STRN: variants seen among roughly 807,000 people sequenced by gnomAD.
STRN encodes striatin, also known as protein phosphatase 2 regulatory subunit B'''alpha.
A neutral mutation model predicts 96.3 loss-of-function variants in STRN; 53 were observed. The observed-to-expected ratio is 0.55, with a 90% CI of 0.44 to 0.69. The LOEUF is 0.69. Ranked by LOEUF, STRN falls within the 30% of genes least tolerant of loss-of-function variation. The pLI, the probability that STRN is intolerant of heterozygous loss-of-function variation, is 0.00. For synonymous variants in STRN, 428 were observed against 355.9 expected, an observed-to-expected ratio of 1.20 and a Z score of -2.28; for missense variants, 987 against 963.9, an observed-to-expected ratio of 1.02 and a Z score of -0.32.
intron 1 of STRN, among the ~76,000 whole-genome samples, chr2:36,940,392 G>A (rs965523469): frequency 6.6e-6 from 1 of 152,036 alleles, no homozygotes; most frequent in African/African-American, 2.4e-5. Flanking sequence ...ATCATCACAC[G>A]GAAAACTGCA....
intron 9 of STRN, among the ~76,000 whole-genome samples, chr2:36,882,456 C>T (rs750892666): frequency 1.1e-4 from 17 of 152,146 alleles, no homozygotes; most frequent in Non-Finnish European, 2.1e-4. Flanking sequence ...TCAATCATCA[C>T]GCACTACAGT....
Position 36,857,879 on chromosome 2 carries a change from A to C in STRN, c.1814T>G (p.Leu605Arg), listed in dbSNP as rs749180993. The C allele has an allele frequency of 1.2e-6, 2 of 1,614,002 alleles. No individual in the cohort carries two copies. The highest frequency in any genetic ancestry group is 1.7e-6 in the Non-Finnish European group (2 of 1,179,928). The change falls in exon 14 of 18, where the codon CTA (leucine) becomes CGA (arginine). Residue 605 changes from leucine (L) to arginine (R), a missense_variant. Leu to Arg is a moderately radical substitution (Grantham distance 102). Coordinates refer to ENST00000263918, the MANE Select transcript of STRN (RefSeq NM_003162.4). ...LWNTTEVAPA[L>R]SVFNDTKELG... ...ACCTTTAGTATCATTAAATACACTT[A>C]GTGCTGGAGCAACCTCAGTTGTATT...
At chr2:36,878,195 C>T in intron 9 of STRN, among the ~76,000 whole-genome samples, 168 bp from the exon 10 acceptor site, 1 of 152,120 alleles carries the variant, frequency 6.6e-6, no homozygotes, top group Non-Finnish European at 1.5e-5. Context: ...TAATTTATTG[C>T]TTTTTCCATA....
chr2:36,966,258 T>A lies in STRN; in HGVS notation c.206A>T (p.Gln69Leu). 1 of 1,586,106 alleles carries A rather than the reference T, an allele frequency of 6.3e-7. No individual in the cohort carries two copies. Among genetic ancestry groups the A allele is most frequent in the South Asian group, 1.1e-5 (1 of 88,214 alleles). Residue 69 changes from glutamine to leucine, a missense_variant, in exon 1 of 18, where the codon CAG becomes CTG. Gln to Leu is a moderately radical substitution (Grantham distance 113). Transcript: ENST00000263918. ...EWARFEVERA[Q>L]WEVERAELQA... ...CAGCTCCGCCCGCTCCACCTCCCAC[T>A]GGGCTCTCTCCACCTCGAAGCGGGC...
At chr2:36,924,128 G>A (rs1308527709) in intron 2 of STRN, among the ~76,000 whole-genome samples, 20 of 152,110 alleles carry the variant, frequency 1.3e-4, no homozygotes, top group Middle Eastern at 3.4e-3. Flanking sequence ...AGGCCGAGAC[G>A]GGGGGATCAC....
chr2:36,877,832 G>A (rs553944758), intron 10 of STRN, 59 bp downstream of exon 10: 2 of 1,598,264 alleles, frequency 1.3e-6, no homozygotes, highest in African/African-American at 2.7e-5. Context: ...ACCGCACCCA[G>A]CCCAAGTTTT....
At chr2:36,854,490 G>C (rs1668295777) in intron 15 of STRN, among the ~76,000 whole-genome samples, 1 of 152,192 alleles carries the variant, frequency 6.6e-6, no homozygotes, top group African/African-American at 2.4e-5. Flanking sequence ...TTTTGAGAGA[G>C]AGAGAGACAG....
rs150750836 is a variant in STRN, at chr2:36,963,430, A to G, written c.234+2800T>C. Among the ~76,000 whole-genome samples, 946 of 152,332 alleles carry G rather than the reference A, an allele frequency of 6.2e-3. 9 individuals are homozygous for G. Among genetic ancestry groups the G allele is most frequent in the African/African-American group, 0.022 (896 of 41,576 alleles). On this transcript the variant is annotated intron_variant, in intron 1 of 17. Coordinates refer to ENST00000263918, the MANE Select transcript of STRN (RefSeq NM_003162.4). ...AACGCATTCAACTATTTTACTTCCTATTGTGTTTCTAAGAAAATTCCAGTA... is the reference window on the plus strand; with the variant it reads ...AACGCATTCAACTATTTTACTTCCTGTTGTGTTTCTAAGAAAATTCCAGTA...
In STRN at chr2:36,912,113, T is replaced by G. The variant is rs188622947; in HGVS notation, c.412+3965A>C. On this transcript the variant is annotated intron_variant, in intron 3 of 17. Coordinates refer to ENST00000263918, the MANE Select transcript of STRN (RefSeq NM_003162.4). ...CTGGTAATGATAAAAGACATGCTCC[T>G]CCTGCCATTCTCCAGCTATGCTCAG... Among the ~76,000 whole-genome samples, 59 of 152,314 alleles carry G rather than the reference T, an allele frequency of 3.9e-4. No individual in the cohort carries two copies. The East Asian group carries it at 6.6e-3, about 17-fold the overall frequency.
In STRN at chr2:36,893,884, G is replaced by A. The variant is rs769280281; in HGVS notation, c.931+14C>T. On this transcript the variant is annotated intron_variant, in intron 7 of 17. Coordinates refer to ENST00000263918, the MANE Select transcript of STRN (RefSeq NM_003162.4). Reference sequence around the variant, plus strand: ...TACTTAACATCTCTGGTTGGATCCAGTATGCTTCCTTACCCCAGTCTGTTC... The same window carrying A: ...TACTTAACATCTCTGGTTGGATCCAATATGCTTCCTTACCCCAGTCTGTTC... 3.1e-6 allele frequency: 5 copies of A among 1,593,258 alleles called. No individual in the cohort carries two copies. Among genetic ancestry groups the A allele is most frequent in the Non-Finnish European group, 4.3e-6 (5 of 1,174,588 alleles).
At chr2:36,930,301 G>A (rs562401193) in intron 1 of STRN, among the ~76,000 whole-genome samples, 35 of 152,124 alleles carry the variant, frequency 2.3e-4, no homozygotes, top group African/African-American at 7.9e-4. Context: ...GCATGGTGGC[G>A]TGTGCCTGTA....
chr2:36,863,433 T>C (rs1668544474), intron 12 of STRN, among the ~76,000 whole-genome samples: 1 of 152,166 alleles, frequency 6.6e-6, no homozygotes, highest in Non-Finnish European at 1.5e-5. Flanking sequence ...GAATAGGGAG[T>C]CCTTTCCCCA....
intron 10 of STRN, among the ~76,000 whole-genome samples, chr2:36,870,364 A>G (rs1668732801): frequency 1.3e-5 from 2 of 152,106 alleles, no homozygotes; most frequent in Admixed American, 1.3e-4. Flanking sequence ...GGTAGATTAT[A>G]TTTGATTTTA....
At chr2:36,950,712 A>G (rs1333670441) in intron 1 of STRN, among the ~76,000 whole-genome samples, 2 of 152,196 alleles carry the variant, frequency 1.3e-5, no homozygotes, top group Non-Finnish European at 2.9e-5. Flanking sequence ...ACCTTGATGA[A>G]AAAGCGTAGA....
chr2:36,904,317 C>T (rs1669762593), intron 4 of STRN, among the ~76,000 whole-genome samples: 2 of 152,096 alleles, frequency 1.3e-5, no homozygotes, highest in Non-Finnish European at 2.9e-5. Flanking sequence ...GCTATACATC[C>T]ACTTTGGAAA....
chr2:36,951,137 G>T (rs989154222), intron 1 of STRN, among the ~76,000 whole-genome samples: 1 of 152,046 alleles, frequency 6.6e-6, no homozygotes, highest in African/African-American at 2.4e-5. Flanking sequence ...TTTAGAAAAG[G>T]AAAAAAATGT....
intron 1 of STRN, among the ~76,000 whole-genome samples, chr2:36,955,454 G>A (rs1262550015): frequency 6.6e-6 from 1 of 152,222 alleles, no homozygotes; most frequent in African/African-American, 2.4e-5. Flanking sequence ...TAGAATTCTA[G>A]AATTATAAGT....
intron 11 of STRN, among the ~76,000 whole-genome samples, chr2:36,868,295 G>C (rs1449647681): frequency 6.6e-6 from 1 of 152,086 alleles, no homozygotes; most frequent in African/African-American, 2.4e-5. Context: ...GATTAAATAG[G>C]ATTCTACAAT....
chr2:36,944,191 T>A (rs1055046161), intron 1 of STRN, among the ~76,000 whole-genome samples: 2 of 152,122 alleles, frequency 1.3e-5, no homozygotes, highest in Non-Finnish European at 2.9e-5. Flanking sequence ...AAAATACAGA[T>A]GTTAGAGTTA....
Sources: allele counts gnomAD v4.1 joint callset (sites outside exome capture counted in the v4.1 genomes callset), GRCh38; gene constraint gnomAD v4.1.1; transcripts MANE v1.5; gene names NCBI Gene and HGNC (gene_info 2026-07-23, HGNC 2026-07-21).